The following RACK1 variants were observed in gnomAD, a reference collection of about 807,000 sequenced individuals.
The protein encoded by RACK1 is receptor for activated C kinase 1.
In RACK1, 3 loss-of-function variants were observed where a neutral mutation model predicts 42.2. The observed-to-expected ratio is 0.07, with a 90% CI of 0.03 to 0.18. RACK1 has a LOEUF of 0.18. Among genes scored for constraint, RACK1 ranks in the 10% least tolerant of loss-of-function variants. The probability of loss-of-function intolerance (pLI) is 1.00; values close to 1 mark genes in which losing one functional copy is unlikely to be tolerated. For synonymous variants in RACK1, 181 were observed against 154.8 expected (o/e 1.17, Z -1.25); for missense variants, 146 against 403.2 (o/e 0.36, Z 5.46).
In RACK1 at chr5:181,243,900, A is replaced by AAG. The variant is rs535433416; in HGVS notation, c.-102_-101dup. The AAG allele has an allele frequency of 3.1e-4, 453 of 1,454,574 alleles. No individual in the cohort carries two copies. Among genetic ancestry groups the AAG allele is most frequent in the Non-Finnish European group, 3.8e-4 (419 of 1,102,844 alleles). 90.1% of individuals were successfully genotyped at this position (1,454,574 alleles called of 1,614,324 possible). A position where few individuals can be genotyped will look rare whatever the true frequency, so the allele number is the denominator to read the frequency against. ...CTCTCCTGCCGCCGCCTTGCAGTGA[A>AAG]AGAGAGAGAGAAAAGCCCCCCGCCG... On this transcript the variant is annotated 5_prime_UTR_variant, in exon 1 of 8. Transcript: ENST00000512805.
chr5:181,241,809 C>T, intron 2 of RACK1, 170 bp from the exon 3 acceptor site: 1 of 815,138 alleles, frequency 1.2e-6, no homozygotes, highest in Non-Finnish European at 2.2e-6. Flanking sequence ...AGCCAAGTGA[C>T]AGAGAATCCC....
chr5:181,239,958 C>T (rs1404186817), intron 3 of RACK1, among the ~76,000 whole-genome samples: 1 of 152,058 alleles, frequency 6.6e-6, no homozygotes, highest in Non-Finnish European at 1.5e-5. Context: ...GGCAGGAACA[C>T]TGCTTAAACC....
At chr5:181,237,751 T>A in intron 6 of RACK1, 32 bp from the exon 7 acceptor site, 1 of 1,141,164 alleles carries the variant, frequency 8.8e-7, no homozygotes, top group Non-Finnish European at 1.3e-6. Flanking sequence ...ACCTTAAGAC[T>A]TACCAATCAA....
chr5:181,242,332 G>A lies in RACK1; in HGVS notation c.123C>T (p.Ile41=). The change falls in exon 2 of 8, where the codon ATC becomes ATT. Residue 41 remains isoleucine (I), a synonymous_variant. Transcript: ENST00000512805. ...ILSASRDKTI[I]MWKLTRDETN... ...TCTCATCCCTGGTCAGTTTCCACAT[G>A]ATGATGGTCTTATCTAAAGGAGGTA... The A allele has an allele frequency of 1.2e-6, 2 of 1,612,170 alleles. No individual in the cohort carries two copies. Among genetic ancestry groups the A allele is most frequent in the South Asian group, 1.1e-5 (1 of 90,878 alleles).
chr5:181,237,915 GCT>G (rs1759199778), intron 6 of RACK1, 182 bp downstream of exon 6: 2 of 680,848 alleles, frequency 2.9e-6, no homozygotes, highest in Non-Finnish European at 5.1e-6. Flanking sequence ...TGGAAATGCT[GCT>G]AAACATCCTG....
At chr5:181,242,640 C>G (rs1380148218) in intron 1 of RACK1, 1 of 446,426 alleles carries the variant, frequency 2.2e-6, no homozygotes, top group African/African-American at 2.0e-5. Context: ...TCACTCCAAA[C>G]TCCACCTCCC....
At chr5:181,242,714 C>G (rs1333692304) in intron 1 of RACK1, 6 of 355,648 alleles carry the variant, frequency 1.7e-5, no homozygotes, top group Non-Finnish European at 3.3e-5. Context: ...CAGCTGGCAC[C>G]TGCCAGCACG....
chr5:181,242,024 G>A lies in RACK1; in HGVS notation c.281+150C>T, dbSNP rs145195805. On this transcript the variant is annotated intron_variant, in intron 2 of 7. Transcript: ENST00000512805. ...AGCAATGCTGAGTAACTTATTTAAA[G>A]TGAGGGAGGCCAAACATCTTCTGTA... 1.2e-4 allele frequency: 100 copies of A among 809,558 alleles called. 2 individuals carry two copies. The East Asian group carries it at 2.3e-3, about 19-fold the overall frequency. 50.1% of individuals were successfully genotyped at this position (809,558 alleles called of 1,614,324 possible).
In RACK1 at chr5:181,241,426, C is replaced by CAAAAAAAAAA. The variant is rs57063983; in HGVS notation, c.429+56_429+65dup. On this transcript the variant is annotated intron_variant, in intron 3 of 7. Coordinates refer to ENST00000512805, the MANE Select transcript of RACK1 (RefSeq NM_006098.5). ...GCTTGGGCAAGAGTGAGACTGTCGC[C>CAAAAAAAAAA]AAAAAAAAAAAAAAAAAGCAAAGTT... 2,547 of 1,072,616 alleles carry CAAAAAAAAAA rather than the reference C, an allele frequency of 2.4e-3. 26 individuals are homozygous for CAAAAAAAAAA. Among genetic ancestry groups the CAAAAAAAAAA allele is most frequent in the African/African-American group, 0.017 (607 of 35,422 alleles). 66.4% of individuals were successfully genotyped at this position (1,072,616 alleles called of 1,614,324 possible).
intron 5 of RACK1, 48 bp downstream of exon 5, chr5:181,239,019 C>T: frequency 8.1e-7 from 1 of 1,233,640 alleles, no homozygotes; most frequent in South Asian, 1.2e-5. Context: ...AGTGCTCCTT[C>T]CATGACGCTG....
chr5:181,239,038 T>G (rs769445153), intron 5 of RACK1, 29 bp downstream of exon 5: 1 of 1,414,468 alleles, frequency 7.1e-7, no homozygotes, highest in Non-Finnish European at 1.0e-6. Flanking sequence ...TGTCTTCCAC[T>G]GAGTAGGAGA....
intron 5 of RACK1, chr5:181,238,820 CAAACAAAA>C (rs150338721): frequency 0.022 from 10,513 of 486,544 alleles, 157 homozygotes; most frequent in Middle Eastern, 0.043. Context: ...AAAAAACAAA[CAAACAAAA>C]AAACAACAAA....
chr5:181,239,618 C>T (rs1220972029), intron 3 of RACK1, 36 bp from the exon 4 acceptor site: 8 of 1,398,572 alleles, frequency 5.7e-6, no homozygotes, highest in Admixed American at 3.4e-5. Context: ...GGCAAACAGT[C>T]CTATCCCATG....
rs77680812 is a variant in RACK1 at position 181,241,290 on chromosome 5, G to A, written c.429+202C>T. 609 of 533,182 alleles carry A rather than the reference G, an allele frequency of 1.1e-3. 5 individuals carry two copies. The highest frequency in any genetic ancestry group is 0.01 in the African/African-American group (545 of 52,474). 33.0% of individuals were successfully genotyped at this position (533,182 alleles called of 1,614,324 possible). On this transcript the variant is annotated intron_variant, in intron 3 of 7. Coordinates refer to ENST00000512805, the MANE Select transcript of RACK1 (RefSeq NM_006098.5). ...CTAAAACACAAAAAATTAGCTAGGC[G>A]TGGTGGCTGCGCACCTGTAGTACCA...
At chr5:181,243,591 C>T in intron 1 of RACK1, 101 bp downstream of exon 1, 1 of 1,464,008 alleles carries the variant, frequency 6.8e-7, no homozygotes, top group Non-Finnish European at 9.2e-7. Flanking sequence ...CGCCAACTCG[C>T]GCGCCACCGG....
chr5:181,243,373 C>T (rs1759428612), intron 1 of RACK1: 2 of 1,402,238 alleles, frequency 1.4e-6, no homozygotes, highest in Non-Finnish European at 1.9e-6. Flanking sequence ...GGGGTCATCA[C>T]CGCCCCGCCC....
intron 7 of RACK1, 66 bp from the exon 8 acceptor site, chr5:181,237,108 C>T: frequency 1.2e-6 from 2 of 1,603,158 alleles, no homozygotes; most frequent in African/African-American, 1.3e-5. Context: ...CTAGATTCAG[C>T]CCAAGTGGCT....
At chr5:181,240,636 C>T (rs187904386) in intron 3 of RACK1, among the ~76,000 whole-genome samples, 2 of 152,212 alleles carry the variant, frequency 1.3e-5, no homozygotes, top group East Asian at 1.9e-4. Flanking sequence ...CCGATCCAGC[C>T]CCCAATCTGC....
chr5:181,239,301 G>A lies in RACK1; in HGVS notation c.526-124C>T. 6.4e-6 allele frequency: 5 copies of A among 777,406 alleles called. No homozygotes were observed. In the South Asian group the frequency reaches 7.1e-5, roughly 11 times the overall value. 48.2% of individuals were successfully genotyped at this position (777,406 alleles called of 1,614,324 possible). Reference sequence around the variant, plus strand: ...ATTTCTCATTCAGTAACATGTCCTGGCCACTTCACGTTAGATTATAACACA... The same window carrying A: ...ATTTCTCATTCAGTAACATGTCCTGACCACTTCACGTTAGATTATAACACA... On this transcript the variant is annotated intron_variant, in intron 4 of 7. Coordinates refer to ENST00000512805, the MANE Select transcript of RACK1 (RefSeq NM_006098.5).
Sources: allele counts gnomAD v4.1 joint callset (sites outside exome capture counted in the v4.1 genomes callset), GRCh38; gene constraint gnomAD v4.1.1; transcripts MANE v1.5; gene names NCBI Gene and HGNC (gene_info 2026-07-23, HGNC 2026-07-21).